KCNQ5: variants seen among roughly 807,000 people sequenced by gnomAD.
KCNQ5 encodes potassium voltage-gated channel subfamily KQT member 5.
A neutral mutation model predicts 98.2 loss-of-function variants in KCNQ5; 30 were observed. That is an observed-to-expected ratio of 0.31 (90% CI 0.23 to 0.41). KCNQ5 has a LOEUF of 0.41. KCNQ5 is among the 10% of genes least tolerant of loss of function. The pLI, the probability that KCNQ5 is intolerant of heterozygous loss-of-function variation, is 1.00. For synonymous variants in KCNQ5, 458 were observed against 449.4 expected (o/e 1.02, Z -0.24); for missense variants, 835 against 1,182.5 (o/e 0.71, Z 4.31).
At chr6:72,803,111 G>T (rs1387912726) in intron 1 of KCNQ5, among the ~76,000 whole-genome samples, 2 of 152,096 alleles carry the variant, frequency 1.3e-5, no homozygotes, top group Non-Finnish European at 2.9e-5. Context: ...ATGGAGTTCA[G>T]TCTCAGACCA....
chr6:72,754,170 C>A (rs1771837397), intron 1 of KCNQ5, among the ~76,000 whole-genome samples: 1 of 152,122 alleles, frequency 6.6e-6, no homozygotes, highest in Non-Finnish European at 1.5e-5. Context: ...ACTTAAGGTG[C>A]CTTTTTTCAG....
At chr6:73,037,714 A>G (rs1057086446) in intron 2 of KCNQ5, among the ~76,000 whole-genome samples, 20 of 152,104 alleles carry the variant, frequency 1.3e-4, no homozygotes, top group Non-Finnish European at 2.4e-4. Context: ...TCACTGTTCT[A>G]TATGTCTGTA....
chr6:72,654,670 T>G (rs1441905207), intron 1 of KCNQ5, among the ~76,000 whole-genome samples: 1 of 152,090 alleles, frequency 6.6e-6, no homozygotes, highest in East Asian at 1.9e-4. Flanking sequence ...GAAGAATCAC[T>G]TTTATATAAA....
At chr6:72,689,522 G>C (rs1271012756) in intron 1 of KCNQ5, among the ~76,000 whole-genome samples, 1 of 152,236 alleles carries the variant, frequency 6.6e-6, no homozygotes, top group Non-Finnish European at 1.5e-5. Flanking sequence ...ACATTTGTGA[G>C]AGACCCACAA....
At chr6:73,125,462 T>G in intron 9 of KCNQ5, 1 of 518,050 alleles carries the variant, frequency 1.9e-6, no homozygotes, top group South Asian at 1.4e-5. Context: ...AGATACATTT[T>G]TTTTCCTATC....
chr6:73,192,626 A>G lies in KCNQ5; in HGVS notation c.1771A>G (p.Thr591Ala), dbSNP rs1158161120. 6.2e-7 allele frequency: 1 copy of G among 1,613,022 alleles called. No homozygotes were observed. Among genetic ancestry groups the G allele is most frequent in the African/African-American group, 1.3e-5 (1 of 74,882 alleles). ...AGATAAGAAGAGCCGAGAGAAAATAACAGCAGAACATGAGACCACAGACGA... is the reference window on the plus strand; with the variant it reads ...AGATAAGAAGAGCCGAGAGAAAATAGCAGCAGAACATGAGACCACAGACGA... ...TSDKKSREKI[T>A]AEHETTDDLS... Residue 591 changes from threonine (T) to alanine (A), a missense_variant, in exon 13 of 14, where the codon ACA becomes GCA. Around this residue, in one of 10 missense-constraint regions of KCNQ5, gnomAD observed 416 missense variants for 446.9 expected, o/e 0.93. Coordinates refer to ENST00000370398, the MANE Select transcript of KCNQ5 (RefSeq NM_019842.4).
At chr6:73,013,135 C>T (rs192876738) in intron 2 of KCNQ5, among the ~76,000 whole-genome samples, 1 of 152,178 alleles carries the variant, frequency 6.6e-6, no homozygotes, top group East Asian at 1.9e-4. Flanking sequence ...ACCGCAATCA[C>T]TGTTAATTAT....
At chr6:72,804,816 C>T (rs9442852) in intron 1 of KCNQ5, among the ~76,000 whole-genome samples, 5,403 of 152,168 alleles carry the variant, frequency 0.036, 316 homozygotes, top group African/African-American at 0.12. Context: ...TCCACATTCT[C>T]ACCAGCATTT....
intron 10 of KCNQ5, 24 bp downstream of exon 10, chr6:73,133,665 A>G (rs772631887): frequency 1.3e-6 from 2 of 1,593,568 alleles, no homozygotes; most frequent in South Asian, 1.1e-5. Flanking sequence ...TTCCATAACC[A>G]TTTTTAATTG....
At chr6:72,883,769 A>G (rs1778744174) in intron 1 of KCNQ5, among the ~76,000 whole-genome samples, 1 of 152,196 alleles carries the variant, frequency 6.6e-6, no homozygotes, top group Non-Finnish European at 1.5e-5. Flanking sequence ...AGAGGAGACC[A>G]GGCGGCCACC....
chr6:73,188,290 G>T (rs1217481005), intron 11 of KCNQ5, among the ~76,000 whole-genome samples: 5 of 152,152 alleles, frequency 3.3e-5, no homozygotes, highest in Non-Finnish European at 7.4e-5. Flanking sequence ...AATATAAATA[G>T]GAGAAAGGAA....
chr6:73,162,932 G>T (rs1172803436), intron 10 of KCNQ5, among the ~76,000 whole-genome samples: 2 of 152,138 alleles, frequency 1.3e-5, no homozygotes, highest in African/African-American at 4.8e-5. Context: ...GAGTGTGGGG[G>T]TGTGTGTGAG....
intron 1 of KCNQ5, among the ~76,000 whole-genome samples, chr6:72,981,797 G>C (rs1031414694): frequency 6.6e-6 from 1 of 152,122 alleles, no homozygotes; most frequent in Non-Finnish European, 1.5e-5. Flanking sequence ...TGGGCATTTA[G>C]TGCTATAAAT....
chr6:72,631,499 C>CA (rs908366008), intron 1 of KCNQ5, among the ~76,000 whole-genome samples: 23 of 148,756 alleles, frequency 1.5e-4, no homozygotes, highest in South Asian at 4.3e-4. Context: ...GAGAGAGTTT[C>CA]AAAAAAAAAT....
intron 1 of KCNQ5, among the ~76,000 whole-genome samples, chr6:72,848,646 T>C (rs1777113941): frequency 1.3e-5 from 2 of 152,160 alleles, no homozygotes; most frequent in African/African-American, 4.8e-5. Context: ...CACTTCAGCC[T>C]TCAGACATCT....
At chr6:72,818,769 A>T (rs1305139526) in intron 1 of KCNQ5, among the ~76,000 whole-genome samples, 2 of 151,152 alleles carry the variant, frequency 1.3e-5, no homozygotes, top group African/African-American at 4.8e-5. Flanking sequence ...TAAATATTTA[A>T]TTTAAATTTT....
intron 1 of KCNQ5, among the ~76,000 whole-genome samples, chr6:72,831,595 G>C (rs1244748323): frequency 7.0e-6 from 1 of 142,958 alleles, no homozygotes; most frequent in African/African-American, 2.6e-5. Flanking sequence ...GCAGGGAGGG[G>C]GGAGGGAAAG....
At chr6:72,982,432 T>C (rs1248571412) in intron 1 of KCNQ5, among the ~76,000 whole-genome samples, 2 of 152,044 alleles carry the variant, frequency 1.3e-5, no homozygotes, top group East Asian at 3.9e-4. Flanking sequence ...TTTGTCTCTT[T>C]TGATCTTTGT....
rs974688540 is a variant in KCNQ5 at position 72,888,393 on chromosome 6, C to T, written c.399-115515C>T. ...TAATATGACGCTGTGCACAGAGGGC[C>T]TGTAATAATGAGGAGTAAATGAAGA... is the stretch of plus-strand genomic sequence containing the variant. On this transcript the variant is annotated intron_variant, in intron 1 of 13. Coordinates refer to ENST00000370398, the MANE Select transcript of KCNQ5 (RefSeq NM_019842.4). 1.3e-5 allele frequency among the ~76,000 whole-genome samples: 2 copies of T among 151,978 alleles called. 1 individual carries two copies. The highest frequency in any genetic ancestry group is 4.8e-5 in the African/African-American group (2 of 41,350).
Sources: gnomAD v4.1 joint callset for allele counts (sites outside exome capture counted in the v4.1 genomes callset) on GRCh38, gnomAD v4.1.1 for gene constraint, gnomAD v4.1.1 regional missense constraint, MANE v1.5 for transcripts, NCBI Gene and HGNC (gene_info 2026-07-23, HGNC 2026-07-21) for gene names.